Variants in CNKSR2 observed in about 807,000 individuals in gnomAD.
CNKSR2 encodes CNK homolog protein 2.
In CNKSR2, 14 loss-of-function variants were observed where a neutral mutation model predicts 84.4. That is an observed-to-expected ratio of 0.17 (90% CI 0.11 to 0.26). The LOEUF is 0.26. Ranked by LOEUF, CNKSR2 falls within the 10% of genes least tolerant of loss-of-function variation. The pLI, the probability that CNKSR2 is intolerant of heterozygous loss-of-function variation, is 1.00. For synonymous variants in CNKSR2, 275 were observed against 277.9 expected (o/e 0.99, Z 0.10); for missense variants, 485 against 771.2 (o/e 0.63, Z 4.40).
intron 20 of CNKSR2, among the ~76,000 whole-genome samples, chrX:21,646,880 T>A (rs982272879): frequency 2.7e-5 from 3 of 112,219 alleles, no homozygotes; most frequent in African/African-American, 9.7e-5. Context: ...TATGATTTTC[T>A]GAAATAGACT....
At chrX:21,395,522 A>G (rs761649988) in intron 1 of CNKSR2, among the ~76,000 whole-genome samples, 3 of 110,987 alleles carry the variant, frequency 2.7e-5, no homozygotes, top group Admixed American at 1.9e-4. Context: ...TTAAAAACAC[A>G]TAAGTCTTCG....
At chrX:21,602,884 C>T (rs1347205284) in intron 18 of CNKSR2, among the ~76,000 whole-genome samples, 1 of 111,947 alleles carries the variant, frequency 8.9e-6, no homozygotes, top group African/African-American at 3.2e-5. Flanking sequence ...GGGCAATGTA[C>T]TGATAGGAAA....
intron 5 of CNKSR2, among the ~76,000 whole-genome samples, chrX:21,471,969 C>G (rs1414523684): frequency 8.9e-6 from 1 of 111,961 alleles, no homozygotes; most frequent in East Asian, 2.8e-4. Flanking sequence ...TTTAATCCTA[C>G]TTTTGCAGAT....
intron 11 of CNKSR2, among the ~76,000 whole-genome samples, chrX:21,552,615 G>A (rs1208675196): frequency 1.8e-5 from 2 of 112,044 alleles, no homozygotes; most frequent in South Asian, 7.4e-4. Context: ...AGCCTGCCCA[G>A]CGGTTGGATT....
rs966484850 is a variant in CNKSR2 at position 21,500,939 on chromosome X, T to C, written c.742-581T>C. Among the ~76,000 whole-genome samples the C allele has an allele frequency of 9.0e-5, 10 of 111,690 alleles. No individual in the cohort carries two copies. The East Asian group carries it at 2.0e-3, about 22-fold the overall frequency. ...AATTGCTGTCCATCTTTTAATTTGCTTTGCTAGATTATTCAGAATTGGTGT... is the reference window on the plus strand; with the variant it reads ...AATTGCTGTCCATCTTTTAATTTGCCTTGCTAGATTATTCAGAATTGGTGT... On this transcript the variant is annotated intron_variant, in intron 7 of 21. Coordinates refer to ENST00000379510, the MANE Select transcript of CNKSR2 (RefSeq NM_014927.5).
At chrX:21,586,243 G>C (rs1276478887) in intron 13 of CNKSR2, among the ~76,000 whole-genome samples, 1 of 111,799 alleles carries the variant, frequency 8.9e-6, no homozygotes, top group Non-Finnish European at 1.9e-5. Context: ...CAACTGGGAA[G>C]GCAAGCAGAG....
intron 11 of CNKSR2, among the ~76,000 whole-genome samples, chrX:21,537,499 C>T (rs866585169): frequency 9.0e-6 from 1 of 111,418 alleles, no homozygotes; most frequent in East Asian, 2.8e-4. Context: ...GGGTCTATCT[C>T]TCCCTTTAGC....
chrX:21,476,867 G>A (rs776699831), intron 5 of CNKSR2, among the ~76,000 whole-genome samples: 1 of 111,642 alleles, frequency 9.0e-6, no homozygotes, highest in South Asian at 3.8e-4. Flanking sequence ...TTTTTGTTCT[G>A]GATTACACAT....
chrX:21,510,354 A>C (rs1356794392), intron 8 of CNKSR2, among the ~76,000 whole-genome samples: 1 of 108,727 alleles, frequency 9.2e-6, no homozygotes, highest in Non-Finnish European at 1.9e-5. Context: ...CCATGAAAAA[A>C]GGTAAAAAAA....
rs368296719 is a variant in CNKSR2 at position 21,551,368 on chromosome X, A to C, written c.1304-10103A>C. On this transcript the variant is annotated intron_variant, in intron 11 of 21. Coordinates refer to ENST00000379510, the MANE Select transcript of CNKSR2 (RefSeq NM_014927.5). ...ATCCCAAAACTTAAAGTATAATTTA[A>C]GAGAAAGAAAGAAAAATCACTTTTA... is the stretch of plus-strand genomic sequence containing the variant. Among the ~76,000 whole-genome samples the C allele has an allele frequency of 3.5e-5, 4 of 112,754 alleles. No homozygotes were observed. The East Asian group carries it at 1.1e-3, about 32-fold the overall frequency.
At chrX:21,547,868 C>G (rs1308133726) in intron 11 of CNKSR2, among the ~76,000 whole-genome samples, 6 of 112,111 alleles carry the variant, frequency 5.4e-5, no homozygotes, top group African/African-American at 1.9e-4. Flanking sequence ...TAAATAAGTT[C>G]TTTGAAACCA....
intron 11 of CNKSR2, among the ~76,000 whole-genome samples, chrX:21,545,464 G>A (rs1189615479): frequency 8.9e-6 from 1 of 111,946 alleles, no homozygotes; most frequent in East Asian, 2.8e-4. Flanking sequence ...GACAGAGCAC[G>A]TGGGGGAAGG....
intron 2 of CNKSR2, chrX:21,429,281 G>A (rs898201970): frequency 2.7e-5 from 3 of 111,906 alleles, no homozygotes; most frequent in Admixed American, 1.9e-4. Flanking sequence ...GACAAACACA[G>A]CAGCTAAGTA....
chrX:21,585,496 A>G (rs1452325935), intron 13 of CNKSR2, among the ~76,000 whole-genome samples: 3 of 108,890 alleles, frequency 2.8e-5, no homozygotes, highest in Admixed American at 1.0e-4. Flanking sequence ...TGGATTGGCT[A>G]TGGGGTATAA....
chrX:21,560,035 A>T (rs1260925501), intron 11 of CNKSR2, among the ~76,000 whole-genome samples: 2 of 111,491 alleles, frequency 1.8e-5, no homozygotes, highest in Admixed American at 9.6e-5. Flanking sequence ...TAATAATCAT[A>T]AAATTTAGCT....
intron 20 of CNKSR2, among the ~76,000 whole-genome samples, chrX:21,625,842 G>A (rs2092620760): frequency 8.9e-6 from 1 of 111,742 alleles, no homozygotes; most frequent in Admixed American, 9.5e-5. Flanking sequence ...ATTTTACATA[G>A]TTGTTTAATA....
At chrX:21,422,253 G>A (rs751991920) in intron 1 of CNKSR2, 2 of 111,458 alleles carry the variant, frequency 1.8e-5, no homozygotes, top group Middle Eastern at 4.7e-3. Context: ...CTAATCCCAT[G>A]GTGCCCAGCC....
intron 20 of CNKSR2, among the ~76,000 whole-genome samples, chrX:21,615,917 T>C: frequency 8.9e-6 from 1 of 111,753 alleles, no homozygotes; most frequent in Non-Finnish European, 1.9e-5. Context: ...GTTCTAGGAG[T>C]AAAATAGAAA....
At chrX:21,390,398 A>C (rs2090032592) in intron 1 of CNKSR2, among the ~76,000 whole-genome samples, 1 of 111,197 alleles carries the variant, frequency 9.0e-6, no homozygotes, top group Non-Finnish European at 1.9e-5. Context: ...GCTGTACAGG[A>C]AACATGGCTG....
Sources: allele counts gnomAD v4.1 joint callset (sites outside exome capture counted in the v4.1 genomes callset), GRCh38; gene constraint gnomAD v4.1.1; transcripts MANE v1.5; gene names NCBI Gene and HGNC (gene_info 2026-07-23, HGNC 2026-07-21).